The following CC2D2B variants were observed in gnomAD, a reference collection of about 807,000 sequenced individuals.
The protein encoded by CC2D2B is coiled-coil and C2 domain containing 2B.
In CC2D2B, 128 loss-of-function variants were observed where a neutral mutation model predicts 161.2. The ratio of observed to expected loss-of-function variants is 0.79; its 90% CI spans 0.69 to 0.92. The LOEUF is 0.92. CC2D2B is among the 40% of genes least tolerant of loss of function. The pLI is 0.00. For missense variants in CC2D2B, 1,173 were observed against 1,375.1 expected, an observed-to-expected ratio of 0.85 and a Z score of 2.32; for synonymous variants, 391 against 449.8, an observed-to-expected ratio of 0.87 and a Z score of 1.65.
At chr10:95,998,735 G>A (rs919522864) in intron 24 of CC2D2B, among the ~76,000 whole-genome samples, 2 of 152,074 alleles carry the variant, frequency 1.3e-5, no homozygotes, top group South Asian at 2.1e-4. Context: ...GTCTATTAAG[G>A]CCTTCAACTG....
At chr10:95,936,097 G>C (rs139291841) in intron 6 of CC2D2B, among the ~76,000 whole-genome samples, 1 of 152,270 alleles carries the variant, frequency 6.6e-6, no homozygotes, top group East Asian at 1.9e-4. Flanking sequence ...CTCCCACCCA[G>C]CAGAGTATGC....
chr10:96,025,166 T>TATATAAAAAAAAAAAAAAA (rs1564683697), intron 33 of CC2D2B, among the ~76,000 whole-genome samples: 1 of 9,968 alleles, frequency 1.0e-4, no homozygotes, highest in African/African-American at 5.6e-4. Flanking sequence ...TATATATATA[T>TATATAAAAAAAAAAAAAAA]ATATATATAT....
chr10:95,967,563 A>G (rs968555277), intron 14 of CC2D2B, among the ~76,000 whole-genome samples: 1 of 152,176 alleles, frequency 6.6e-6, no homozygotes, highest in Admixed American at 6.6e-5. Flanking sequence ...ATTAGAGAAA[A>G]ATTAAAAAGA....
At chr10:95,995,225 TA>T in intron 22 of CC2D2B, 43 bp from the exon 23 acceptor site, 1 of 1,152,534 alleles carries the variant, frequency 8.7e-7, no homozygotes, top group Non-Finnish European at 1.2e-6. Context: ...AAACTAATAT[TA>T]AAACTAATTA....
At chr10:95,984,878 A>T (rs917463620) in intron 19 of CC2D2B, among the ~76,000 whole-genome samples, 5 of 152,154 alleles carry the variant, frequency 3.3e-5, no homozygotes, top group Non-Finnish European at 5.9e-5. Flanking sequence ...TTTAAAAAAA[A>T]AAAATTACAC....
intron 22 of CC2D2B, 60 bp from the exon 23 acceptor site, chr10:95,995,209 C>T (rs2078185760): frequency 9.3e-6 from 9 of 964,858 alleles, no homozygotes; most frequent in Non-Finnish European, 1.3e-5. Flanking sequence ...CCACCCACTC[C>T]TACCAAAACT....
At chr10:96,006,562 G>T (rs1358862023) in intron 25 of CC2D2B, among the ~76,000 whole-genome samples, 1 of 152,034 alleles carries the variant, frequency 6.6e-6, no homozygotes, top group African/African-American at 2.4e-5. Flanking sequence ...TCAAGCCACT[G>T]TCCCAACTCT....
chr10:96,028,655 T>C (rs115226554), intron 34 of CC2D2B, among the ~76,000 whole-genome samples: 2,276 of 152,294 alleles, frequency 0.015, 54 homozygotes, highest in African/African-American at 0.051. Context: ...CATCAGTATA[T>C]TGAAGACATG....
intron 4 of CC2D2B, 87 bp downstream of exon 4, chr10:95,924,477 G>A (rs34963139): frequency 0.095 from 65,593 of 690,496 alleles, 3,706 homozygotes; most frequent in Middle Eastern, 0.13. Flanking sequence ...CAAAAGAGCC[G>A]AAATTCAGTG....
chr10:95,983,486 A>C (rs527375502), intron 18 of CC2D2B, 120 bp from the exon 19 acceptor site: 2 of 418,208 alleles, frequency 4.8e-6, no homozygotes, highest in African/African-American at 2.0e-5. Context: ...CTACAAATTC[A>C]GTTGTTCCAT....
intron 15 of CC2D2B, among the ~76,000 whole-genome samples, chr10:95,970,195 C>T (rs183263410): frequency 9.9e-5 from 15 of 152,074 alleles, no homozygotes; most frequent in African/African-American, 2.9e-4. Flanking sequence ...CACCATGCCC[C>T]GCTAATTTTT....
intron 20 of CC2D2B, among the ~76,000 whole-genome samples, chr10:95,991,007 T>C (rs1368110238): frequency 6.6e-6 from 1 of 152,244 alleles, no homozygotes; most frequent in Non-Finnish European, 1.5e-5. Context: ...TATCCATTAC[T>C]AGTGGCTATT....
At position 96,015,097 on chromosome 10, in the gene CC2D2B, G is replaced by A. The variant is rs1051706128; in HGVS notation, c.3517-1104G>A. Among the ~76,000 whole-genome samples, 12 of 151,298 alleles carry A rather than the reference G, an allele frequency of 7.9e-5. No individual in the cohort carries two copies. In the South Asian group the frequency reaches 8.4e-4, roughly 11 times the overall value. ...TCATTTTTTTTTTAAATGGAGTCTCGCTCTGTCGCCAGGCTGGAGTGCAGT... is the reference window on the plus strand; with the variant it reads ...TCATTTTTTTTTTAAATGGAGTCTCACTCTGTCGCCAGGCTGGAGTGCAGT... On this transcript the variant is annotated intron_variant, in intron 29 of 34. Coordinates refer to ENST00000646931, the MANE Select transcript of CC2D2B (RefSeq NM_001349008.3).
At chr10:95,989,577 A>G (rs377390612) in intron 20 of CC2D2B, among the ~76,000 whole-genome samples, 66 of 152,238 alleles carry the variant, frequency 4.3e-4, no homozygotes, top group Non-Finnish European at 7.3e-4. Context: ...AAGAGAACAC[A>G]TATCCTCCTT....
At chr10:95,915,949 A>G (rs1052433745) in intron 2 of CC2D2B, among the ~76,000 whole-genome samples, 1 of 152,054 alleles carries the variant, frequency 6.6e-6, no homozygotes, top group Non-Finnish European at 1.5e-5. Context: ...CTTGTCCTCT[A>G]TTTTTTGGAA....
Position 96,012,458 on chromosome 10 carries a change from T to A in CC2D2B, c.3229-74T>A, listed in dbSNP as rs539665474. The A allele has an allele frequency of 2.7e-4, 294 of 1,102,746 alleles. 1 individual carries two copies. In the African/African-American group the frequency reaches 4.2e-3, roughly 16 times the overall value. 68.3% of individuals were successfully genotyped at this position (1,102,746 alleles called of 1,614,324 possible). ...GTAATAATTTCAAAGATGGCAAAAA[T>A]AAACATTGGTTCTTGATATTTTCTT... On this transcript the variant is annotated intron_variant, in intron 27 of 34. Transcript: ENST00000646931.
chr10:96,027,737 C>G (rs2079843779), intron 34 of CC2D2B, among the ~76,000 whole-genome samples: 1 of 152,186 alleles, frequency 6.6e-6, no homozygotes, highest in South Asian at 2.1e-4. Context: ...TACCTGACTT[C>G]AAATTATACT....
intron 16 of CC2D2B, among the ~76,000 whole-genome samples, chr10:95,973,548 G>A (rs2077209924): frequency 6.6e-6 from 1 of 151,852 alleles, no homozygotes; most frequent in Non-Finnish European, 1.5e-5. Context: ...AGGAGATGAG[G>A]GAGAGCACTA....
intron 10 of CC2D2B, among the ~76,000 whole-genome samples, chr10:95,954,869 T>A (rs1488562124): frequency 3.3e-5 from 5 of 152,158 alleles, no homozygotes; most frequent in Non-Finnish European, 7.4e-5. Flanking sequence ...GGGCCTAGTT[T>A]CCTCCAGTTC....
Sources: gnomAD v4.1 joint callset for allele counts (sites outside exome capture counted in the v4.1 genomes callset) on GRCh38, gnomAD v4.1.1 for gene constraint, MANE v1.5 for transcripts, NCBI Gene and HGNC (gene_info 2026-07-23, HGNC 2026-07-21) for gene names.